The following CLEC16A variants were observed in gnomAD, a reference collection of about 807,000 sequenced individuals.
CLEC16A encodes protein CLEC16A.
Under a neutral mutation model 109.5 loss-of-function variants are expected in CLEC16A, and 51 were observed. That is an observed-to-expected ratio of 0.47 (90% confidence interval 0.37 to 0.59). CLEC16A has a LOEUF of 0.59. Among genes scored for constraint, CLEC16A ranks in the 20% least tolerant of loss-of-function variants. The probability of loss-of-function intolerance (pLI) is 0.00; values close to 1 mark genes in which losing one functional copy is unlikely to be tolerated. For missense variants in CLEC16A, 1,339 were observed against 1,394.0 expected, an observed-to-expected ratio of 0.96 and a Z score of 0.63; for synonymous variants, 673 against 564.2, an observed-to-expected ratio of 1.19 and a Z score of -2.73.
At chr16:11,044,939 A>C (rs1468080246) in intron 16 of CLEC16A, among the ~76,000 whole-genome samples, 3 of 152,078 alleles carry the variant, frequency 2.0e-5, no homozygotes, top group African/African-American at 4.8e-5. Context: ...AAAAAAAAAA[A>C]AAAAAACTAA....
At chr16:11,129,997 T>A (rs1597488575) in intron 22 of CLEC16A, among the ~76,000 whole-genome samples, 1 of 152,072 alleles carries the variant, frequency 6.6e-6, no homozygotes, top group African/African-American at 2.4e-5. Flanking sequence ...CTCCTGACAT[T>A]GTGATCCGCC....
At chr16:11,017,019 C>G (rs1305497981) in intron 11 of CLEC16A, among the ~76,000 whole-genome samples, 1 of 151,188 alleles carries the variant, frequency 6.6e-6, no homozygotes, top group Non-Finnish European at 1.5e-5. Context: ...GGGTGCTCCT[C>G]CATGCCAAGG....
At chr16:11,138,745 T>A (rs990833748) in intron 22 of CLEC16A, among the ~76,000 whole-genome samples, 11 of 152,166 alleles carry the variant, frequency 7.2e-5, no homozygotes, top group African/African-American at 2.4e-4. Context: ...CCTGGAGTGT[T>A]TTTCATTTTA....
At chr16:11,136,693 TC>T (rs1331012771) in intron 22 of CLEC16A, among the ~76,000 whole-genome samples, 1 of 152,180 alleles carries the variant, frequency 6.6e-6, no homozygotes, top group Non-Finnish European at 1.5e-5. Context: ...GGCAGAATTT[TC>T]CTCCTCACAC....
At chr16:11,037,164 C>T (rs1285580887) in intron 13 of CLEC16A, among the ~76,000 whole-genome samples, 1 of 152,208 alleles carries the variant, frequency 6.6e-6, no homozygotes, top group African/African-American at 2.4e-5. Flanking sequence ...AGCTGTCCCC[C>T]TAAGAGAGGG....
chr16:10,992,275 C>CTG (rs1370251595), intron 10 of CLEC16A, among the ~76,000 whole-genome samples: 2 of 147,602 alleles, frequency 1.4e-5, no homozygotes, highest in African/African-American at 5.1e-5. Context: ...TCTTCCCCAT[C>CTG]CGCATCCCTG....
intron 17 of CLEC16A, among the ~76,000 whole-genome samples, chr16:11,051,138 G>A (rs1472926958): frequency 1.3e-5 from 2 of 152,202 alleles, no homozygotes; most frequent in Non-Finnish European, 2.9e-5. Context: ...ACAGAGAGGA[G>A]GAAGCAGGTG....
chr16:11,125,287 T>G (rs1013295664), intron 21 of CLEC16A, among the ~76,000 whole-genome samples: 2 of 152,226 alleles, frequency 1.3e-5, no homozygotes, highest in African/African-American at 4.8e-5. Flanking sequence ...TTTTAAGATT[T>G]ATTTTCAGAG....
intron 11 of CLEC16A, among the ~76,000 whole-genome samples, chr16:11,017,788 G>A (rs898930371): frequency 6.6e-6 from 1 of 152,058 alleles, no homozygotes; most frequent in Non-Finnish European, 1.5e-5. Context: ...CAGAGTGAGG[G>A]ACTCTCAAGA....
At chr16:11,127,431 T>A (rs2052903559) in intron 22 of CLEC16A, among the ~76,000 whole-genome samples, 1 of 152,224 alleles carries the variant, frequency 6.6e-6, no homozygotes, top group Admixed American at 6.5e-5. Context: ...AAATTTCTCA[T>A]GTCTGTGTGA....
intron 19 of CLEC16A, among the ~76,000 whole-genome samples, chr16:11,115,124 G>A (rs2051888659): frequency 6.6e-6 from 1 of 152,142 alleles, no homozygotes; most frequent in Non-Finnish European, 1.5e-5. Flanking sequence ...CACTGCCTGG[G>A]ACAAACCCCA....
chr16:11,068,443 C>T (rs1230273300), intron 19 of CLEC16A, among the ~76,000 whole-genome samples: 3 of 152,238 alleles, frequency 2.0e-5, no homozygotes, highest in Admixed American at 1.3e-4. Flanking sequence ...TCCCCACAGG[C>T]AGCAGTCAGT....
Position 10,962,382 on chromosome 16 carries a change from A to T in CLEC16A, c.210-73A>T, listed in dbSNP as rs575658100. On this transcript the variant is annotated intron_variant, in intron 2 of 23. Transcript: ENST00000409790. Reference sequence around the variant, plus strand: ...GGGTGAATCTAATACTTGTGTTGTGAATGAAACCAGATAATAATTTCTGTT... The same window carrying T: ...GGGTGAATCTAATACTTGTGTTGTGTATGAAACCAGATAATAATTTCTGTT... 1.8e-5 allele frequency: 29 copies of T among 1,586,334 alleles called. No individual in the cohort carries two copies. In the African/African-American group the frequency reaches 3.4e-4, roughly 18 times the overall value.
intron 10 of CLEC16A, among the ~76,000 whole-genome samples, chr16:10,989,987 T>G (rs1202645015): frequency 6.6e-6 from 1 of 152,224 alleles, no homozygotes; most frequent in Admixed American, 6.5e-5. Flanking sequence ...CTGAGTCTTT[T>G]AGTGACCCTG....
intron 19 of CLEC16A, among the ~76,000 whole-genome samples, chr16:11,109,745 G>A (rs908841470): frequency 1.3e-5 from 2 of 152,186 alleles, no homozygotes; most frequent in Admixed American, 1.3e-4. Flanking sequence ...GGAATTCCAG[G>A]GTGAGCCTGC....
intron 17 of CLEC16A, among the ~76,000 whole-genome samples, chr16:11,050,033 A>C (rs2047854367): frequency 6.6e-6 from 1 of 152,210 alleles, no homozygotes; most frequent in Non-Finnish European, 1.5e-5. Flanking sequence ...AATACCACAG[A>C]CTTAATTTAT....
chr16:11,088,826 C>A (rs1392909715), intron 19 of CLEC16A, among the ~76,000 whole-genome samples: 1 of 152,136 alleles, frequency 6.6e-6, no homozygotes, highest in Admixed American at 6.5e-5. Flanking sequence ...GGGGTCCTGC[C>A]GTTGAGTTAG....
At position 11,020,122 on chromosome 16, in the gene CLEC16A, C is replaced by T. The variant is rs76222412; in HGVS notation, c.1304-71C>T. On this transcript the variant is annotated intron_variant, in intron 11 of 23. Transcript: ENST00000409790. ...TCATTTATGCATATTTATTCTCCAA[C>T]ATGAGCATGTGTATAAATCTAGGGC... 6.6e-3 allele frequency: 9,929 copies of T among 1,505,662 alleles called. 581 individuals carry two copies. In the African/African-American group the frequency reaches 0.12, roughly 19 times the overall value. The allele number at this position is 1,505,662 out of a possible 1,614,324, so 93.3% of individuals were successfully genotyped here. A position where few individuals can be genotyped will look rare whatever the true frequency, so the allele number is the denominator to read the frequency against.
chr16:11,019,644 C>T (rs781269672), intron 11 of CLEC16A, among the ~76,000 whole-genome samples: 1 of 152,074 alleles, frequency 6.6e-6, no homozygotes, highest in Non-Finnish European at 1.5e-5. Context: ...TGGCAAGCGC[C>T]TGTAATCCCA....
Sources: allele counts gnomAD v4.1 joint callset (sites outside exome capture counted in the v4.1 genomes callset), GRCh38; gene constraint gnomAD v4.1.1; transcripts MANE v1.5; gene names NCBI Gene and HGNC (gene_info 2026-07-23, HGNC 2026-07-21).